Variants in CNTNAP2 observed in about 807,000 individuals in gnomAD.
The protein encoded by CNTNAP2 is contactin-associated protein-like 2.
A neutral mutation model predicts 155.2 loss-of-function variants in CNTNAP2; 98 were observed. The ratio of observed to expected loss-of-function variants is 0.63; its 90% CI spans 0.54 to 0.75. CNTNAP2 has a LOEUF of 0.75. CNTNAP2 is among the 30% of genes least tolerant of loss of function. The pLI is 0.00. For synonymous variants in CNTNAP2, 651 were observed against 631.2 expected, an observed-to-expected ratio of 1.03 and a Z score of -0.47; for missense variants, 1,727 against 1,688.1, an observed-to-expected ratio of 1.02 and a Z score of -0.40.
At chr7:146,625,762 G>A (rs73470645) in intron 1 of CNTNAP2, among the ~76,000 whole-genome samples, 4,170 of 151,928 alleles carry the variant, frequency 0.027, 194 homozygotes, top group African/African-American at 0.096. Flanking sequence ...AGAAAAATAC[G>A]GTTTCAGTAA....
At chr7:147,266,685 G>T (rs1397973307) in intron 8 of CNTNAP2, among the ~76,000 whole-genome samples, 23 of 152,094 alleles carry the variant, frequency 1.5e-4, no homozygotes, top group Admixed American at 1.5e-3. Context: ...CCTATTGTTG[G>T]ATTTAATCAT....
At chr7:146,822,269 A>C (rs928407401) in intron 2 of CNTNAP2, among the ~76,000 whole-genome samples, 4 of 152,064 alleles carry the variant, frequency 2.6e-5, no homozygotes, top group African/African-American at 9.7e-5. Context: ...GGAATTGAAC[A>C]ATGAGATCAC....
intron 8 of CNTNAP2, among the ~76,000 whole-genome samples, chr7:147,253,356 C>CCTG (rs1230107652): frequency 1.3e-5 from 2 of 150,998 alleles, no homozygotes; most frequent in Non-Finnish European, 2.9e-5. Context: ...TGGAGCCAAT[C>CCTG]CTGCTGATTA....
chr7:147,244,723 T>C (rs1053202228), intron 8 of CNTNAP2, among the ~76,000 whole-genome samples: 1 of 152,166 alleles, frequency 6.6e-6, no homozygotes, highest in Non-Finnish European at 1.5e-5. Flanking sequence ...TAAGACCTGA[T>C]TGAAGAGAGG....
chr7:147,696,830 T>C (rs1286717364), intron 13 of CNTNAP2, among the ~76,000 whole-genome samples: 1 of 152,150 alleles, frequency 6.6e-6, no homozygotes, highest in African/African-American at 2.4e-5. Context: ...TATTTAACTC[T>C]ACTCTCTTCT....
chr7:147,301,620 G>C (rs534144140), intron 9 of CNTNAP2, among the ~76,000 whole-genome samples: 5,156 of 150,504 alleles, frequency 0.034, 126 homozygotes, highest in Non-Finnish European at 0.052. Flanking sequence ...GTGTGTGTGT[G>C]TGTGTGTGTG....
chr7:146,308,577 C>A (rs1047243749), intron 1 of CNTNAP2, among the ~76,000 whole-genome samples: 2 of 151,338 alleles, frequency 1.3e-5, no homozygotes, highest in African/African-American at 4.8e-5. Flanking sequence ...TGGAACCAAC[C>A]CAAACGTCCA....
intron 1 of CNTNAP2, among the ~76,000 whole-genome samples, chr7:146,397,188 T>C (rs1262034141): frequency 6.6e-6 from 1 of 152,204 alleles, no homozygotes; most frequent in Non-Finnish European, 1.5e-5. Flanking sequence ...TGATTCTGGG[T>C]CCATTTTCTC....
intron 18 of CNTNAP2, among the ~76,000 whole-genome samples, chr7:148,184,735 A>G (rs1795090678): frequency 6.6e-6 from 1 of 152,232 alleles, no homozygotes; most frequent in Non-Finnish European, 1.5e-5. Context: ...CTTATATTAT[A>G]TAGAACAGTG....
intron 1 of CNTNAP2, among the ~76,000 whole-genome samples, chr7:146,740,073 C>A (rs1801685940): frequency 6.6e-6 from 1 of 151,958 alleles, no homozygotes; most frequent in Non-Finnish European, 1.5e-5. Flanking sequence ...CCATTTAAAT[C>A]CTGTGATATG....
At chr7:147,655,254 C>G (rs1372733861) in intron 13 of CNTNAP2, among the ~76,000 whole-genome samples, 1 of 152,158 alleles carries the variant, frequency 6.6e-6, no homozygotes, top group East Asian at 1.9e-4. Context: ...TCCTGAGTAG[C>G]TGGGATTACA....
In CNTNAP2 at chr7:147,035,184, G is replaced by A. The variant is rs78840419; in HGVS notation, c.403-8723G>A. Among the ~76,000 whole-genome samples the A allele has an allele frequency of 2.6e-3, 392 of 152,286 alleles. 8 individuals carry two copies. The East Asian group carries it at 0.058, about 22-fold the overall frequency. On this transcript the variant is annotated intron_variant, in intron 3 of 23. Coordinates refer to ENST00000361727, the MANE Select transcript of CNTNAP2 (RefSeq NM_014141.6). ...GGCGAGGCAAGGTCCCTCCTGTCAG[G>A]AAGTGCTGTCTGAGCTGAGTCCTAC...
chr7:148,356,351 G>C (rs80040709), intron 21 of CNTNAP2, among the ~76,000 whole-genome samples: 2 of 152,170 alleles, frequency 1.3e-5, no homozygotes. Context: ...AGAGAAGGGT[G>C]TTATATAAAA....
chr7:147,568,508 A>G (rs1374086607), intron 12 of CNTNAP2, among the ~76,000 whole-genome samples: 1 of 152,184 alleles, frequency 6.6e-6, no homozygotes, highest in Non-Finnish European at 1.5e-5. Flanking sequence ...TCCTTTGTAG[A>G]AAAATTTATC....
At chr7:148,058,543 C>T (rs1803067027) in intron 15 of CNTNAP2, among the ~76,000 whole-genome samples, 1 of 152,106 alleles carries the variant, frequency 6.6e-6, no homozygotes, top group South Asian at 2.1e-4. Flanking sequence ...CGTAGTTTTA[C>T]ACCTACCATC....
rs147998102 is a variant in CNTNAP2 at position 147,990,017 on chromosome 7, G to A, written c.2383+12028G>A. Among the ~76,000 whole-genome samples the A allele has an allele frequency of 2.9e-3, 440 of 151,644 alleles. 4 individuals carry two copies. Among genetic ancestry groups the A allele is most frequent in the Non-Finnish European group, 2.6e-3 (177 of 67,972 alleles). ...TCACACACCAGCTGCAAACTTGGGT[G>A]GCTCTCAAGCCACTCACATTTCTGA... is the stretch of plus-strand genomic sequence containing the variant. On this transcript the variant is annotated intron_variant, in intron 15 of 23. Coordinates refer to ENST00000361727, the MANE Select transcript of CNTNAP2 (RefSeq NM_014141.6).
At chr7:147,727,010 T>C (rs780253776) in intron 13 of CNTNAP2, among the ~76,000 whole-genome samples, 9 of 128,122 alleles carry the variant, frequency 7.0e-5, no homozygotes, top group Non-Finnish European at 1.4e-4. Context: ...TACATATGCG[T>C]ATATGTATAT....
chr7:148,354,981 T>C (rs1798487173), intron 21 of CNTNAP2, among the ~76,000 whole-genome samples: 1 of 151,864 alleles, frequency 6.6e-6, no homozygotes, highest in East Asian at 1.9e-4. Flanking sequence ...ACTCTCAAAA[T>C]TGATTAAACA....
intron 1 of CNTNAP2, among the ~76,000 whole-genome samples, chr7:146,630,777 C>T (rs761325810): frequency 7.9e-5 from 12 of 151,934 alleles, no homozygotes; most frequent in Non-Finnish European, 1.5e-4. Context: ...CAACAATAGA[C>T]AAGCAGAGAG....
Sources: allele counts gnomAD v4.1 joint callset (sites outside exome capture counted in the v4.1 genomes callset), GRCh38; gene constraint gnomAD v4.1.1; transcripts MANE v1.5; gene names NCBI Gene and HGNC (gene_info 2026-07-23, HGNC 2026-07-21).